Variants in NLGN1 observed in about 807,000 individuals in gnomAD.
The protein encoded by NLGN1 is neuroligin-1.
NLGN1 carries 12 observed loss-of-function variants against 65.5 expected under a neutral mutation model. That is an observed-to-expected ratio of 0.18 (90% CI 0.12 to 0.30). The LOEUF (loss-of-function observed/expected upper bound fraction) is 0.30. Among genes scored for constraint, NLGN1 ranks in the 10% least tolerant of loss-of-function variants. The pLI is 1.00. For synonymous variants in NLGN1, 350 were observed against 359.5 expected (o/e 0.97, Z 0.30); for missense variants, 750 against 1,007.1 (o/e 0.74, Z 3.46).
chr3:173,592,346 C>T (rs1748663149), intron 2 of NLGN1, among the ~76,000 whole-genome samples: 1 of 152,118 alleles, frequency 6.6e-6, no homozygotes, highest in Non-Finnish European at 1.5e-5. Context: ...AGCAGAAATA[C>T]TCAGTTTTGT....
chr3:173,550,981 C>G (rs1740760353), intron 2 of NLGN1, among the ~76,000 whole-genome samples: 1 of 152,118 alleles, frequency 6.6e-6, no homozygotes, highest in Non-Finnish European at 1.5e-5. Flanking sequence ...AGCTTGTCTC[C>G]TCTCATCTCA....
At chr3:173,586,549 A>G (rs1409477255) in intron 2 of NLGN1, among the ~76,000 whole-genome samples, 1 of 152,248 alleles carries the variant, frequency 6.6e-6, no homozygotes, top group African/African-American at 2.4e-5. Context: ...AAGATGAAAT[A>G]GCAAAATATA....
At chr3:174,066,163 C>A (rs1047201365) in intron 4 of NLGN1, among the ~76,000 whole-genome samples, 1 of 152,078 alleles carries the variant, frequency 6.6e-6, no homozygotes, top group Non-Finnish European at 1.5e-5. Context: ...AACTTTCCCA[C>A]AATACAAATA....
At chr3:174,241,963 G>A (rs1212599117) in intron 4 of NLGN1, among the ~76,000 whole-genome samples, 1 of 152,040 alleles carries the variant, frequency 6.6e-6, no homozygotes, top group Non-Finnish European at 1.5e-5. Context: ...CGGCCCCAAC[G>A]TATCTTTATC....
chr3:173,491,145 G>A (rs1729079256), intron 2 of NLGN1, among the ~76,000 whole-genome samples: 1 of 151,804 alleles, frequency 6.6e-6, no homozygotes, highest in Non-Finnish European at 1.5e-5. Context: ...AATAGGAGTG[G>A]TGAGAGAGGG....
intron 3 of NLGN1, among the ~76,000 whole-genome samples, chr3:173,762,780 G>GATA (rs1778175567): frequency 6.6e-6 from 1 of 151,988 alleles, no homozygotes; most frequent in African/African-American, 2.4e-5. Flanking sequence ...ATTCTGCCAA[G>GATA]ATTAGGATAA....
Position 174,017,121 on chromosome 3 carries a change from G to A in NLGN1, c.646+209289G>A, listed in dbSNP as rs1376257591. On this transcript the variant is annotated intron_variant, in intron 4 of 6. Coordinates refer to ENST00000457714, the Ensembl canonical transcript of NLGN1. ...ATGGCTGCTAACCCCATTGCTAGAG[G>A]CCTTGCAAACCATAGGTGCTTATAT... 3.3e-5 allele frequency among the ~76,000 whole-genome samples: 5 copies of A among 152,094 alleles called. No individual in the cohort carries two copies. The East Asian group carries it at 9.6e-4, about 29-fold the overall frequency.
chr3:174,221,470 G>C (rs987588490), intron 4 of NLGN1, among the ~76,000 whole-genome samples: 3 of 152,020 alleles, frequency 2.0e-5, no homozygotes, highest in African/African-American at 7.3e-5. Context: ...CTCCAAATAG[G>C]TCTTGGTCTT....
chr3:173,620,976 CTGGT>C (rs775596432), intron 3 of NLGN1, among the ~76,000 whole-genome samples: 12 of 152,098 alleles, frequency 7.9e-5, no homozygotes, highest in Non-Finnish European at 1.6e-4. Context: ...TTTCAGAACA[CTGGT>C]AAGTCAGAAA....
chr3:174,250,650 G>A (rs1310168861), intron 4 of NLGN1, among the ~76,000 whole-genome samples: 1 of 152,110 alleles, frequency 6.6e-6, no homozygotes, highest in Non-Finnish European at 1.5e-5. Flanking sequence ...GAAGGGAGAA[G>A]GAGGTCATAT....
chr3:174,265,658 G>A (rs1032749006), intron 4 of NLGN1, among the ~76,000 whole-genome samples: 1 of 151,680 alleles, frequency 6.6e-6, no homozygotes, highest in Non-Finnish European at 1.5e-5. Context: ...CTCATGCTGG[G>A]AGCTGTAGAC....
chr3:173,859,637 G>A (rs1488072105), intron 4 of NLGN1, among the ~76,000 whole-genome samples: 1 of 152,080 alleles, frequency 6.6e-6, no homozygotes, highest in Non-Finnish European at 1.5e-5. Flanking sequence ...AATTAAAACA[G>A]TGTTTTCTCC....
chr3:173,890,839 A>G (rs368441921), intron 4 of NLGN1, among the ~76,000 whole-genome samples: 4 of 152,278 alleles, frequency 2.6e-5, no homozygotes, highest in East Asian at 1.9e-4. Context: ...GTTGGAATCT[A>G]TGTGGCATGG....
rs547441241 is a variant in NLGN1, at chr3:173,554,917, G to A, written c.-320-49362G>A. On this transcript the variant is annotated intron_variant, in intron 2 of 6. Transcript: ENST00000457714. ...TTGCTCCATTATCTTGCCAATATTT[G>A]GTATTTTTTGGCTTTTTTGTTTTAG... is the stretch of plus-strand genomic sequence containing the variant. 1.3e-3 allele frequency among the ~76,000 whole-genome samples: 200 copies of A among 152,124 alleles called. 1 individual carries two copies. Among genetic ancestry groups the A allele is most frequent in the African/African-American group, 4.4e-3 (184 of 41,500 alleles).
intron 3 of NLGN1, among the ~76,000 whole-genome samples, chr3:173,745,003 C>T (rs1775161896): frequency 6.6e-6 from 1 of 152,066 alleles, no homozygotes; most frequent in South Asian, 2.1e-4. Context: ...TTAACTGAAA[C>T]TAAGAGGTAC....
intron 4 of NLGN1, among the ~76,000 whole-genome samples, chr3:174,259,529 C>T (rs565748080): frequency 2.5e-4 from 38 of 152,024 alleles, no homozygotes; most frequent in African/African-American, 8.7e-4. Flanking sequence ...TAATGAATTG[C>T]CAGCAAATCA....
intron 3 of NLGN1, among the ~76,000 whole-genome samples, chr3:173,675,848 C>T (rs1047477603): frequency 2.0e-5 from 3 of 146,934 alleles, no homozygotes; most frequent in Admixed American, 1.4e-4. Context: ...CTCTGTCTCT[C>T]TCTCTTTCTC....
At chr3:173,498,119 A>G (rs1304012377) in intron 2 of NLGN1, among the ~76,000 whole-genome samples, 2 of 151,564 alleles carry the variant, frequency 1.3e-5, no homozygotes, top group Middle Eastern at 3.2e-3. Context: ...TTTGTTACAT[A>G]TGTATACATG....
At chr3:173,820,799 G>A (rs1166204281) in intron 4 of NLGN1, among the ~76,000 whole-genome samples, 1 of 152,084 alleles carries the variant, frequency 6.6e-6, no homozygotes, top group East Asian at 1.9e-4. Flanking sequence ...CTGTACATAC[G>A]ATATTGCAGA....
Sources: allele counts gnomAD v4.1 joint callset (sites outside exome capture counted in the v4.1 genomes callset), GRCh38; gene constraint gnomAD v4.1.1; transcripts MANE v1.5; gene names NCBI Gene and HGNC (gene_info 2026-07-23, HGNC 2026-07-21).